Variants in RELN observed in about 807,000 individuals in gnomAD.
RELN encodes the protein reelin.
In RELN, 108 loss-of-function variants were observed where a neutral mutation model predicts 427.6. The observed-to-expected ratio is 0.25, with a 90% CI of 0.22 to 0.30. The LOEUF (loss-of-function observed/expected upper bound fraction) is 0.30, where lower values mean the gene tolerates loss of function less well. Ranked by LOEUF, RELN falls within the 10% of genes least tolerant of loss-of-function variation. The probability of loss-of-function intolerance (pLI) is 1.00; values close to 1 mark genes in which losing one functional copy is unlikely to be tolerated. For synonymous variants in RELN, 1,524 were observed against 1,513.4 expected, an observed-to-expected ratio of 1.01 and a Z score of -0.16; for missense variants, 3,715 against 4,302.8, an observed-to-expected ratio of 0.86 and a Z score of 3.82.
Position 103,611,641 on chromosome 7 carries a change from G to A in RELN, c.2865C>T (p.Asn955=). The part of the protein sequence containing the change: ...DNQVKLEYST[N]HGLTWHLVQE... ...GGACGAGGTGCCAGGTAAGGCCGTG[G>A]TTGGTTGAGTACTCCAGCTTCACCT... Residue 955 remains asparagine, a synonymous_variant, in exon 21 of 65, where the codon AAC becomes AAT. Coordinates refer to ENST00000428762, the MANE Select transcript of RELN (RefSeq NM_005045.4). 2 of 1,613,786 alleles carry A rather than the reference G, an allele frequency of 1.2e-6. No homozygotes were observed. Among genetic ancestry groups the A allele is most frequent in the Non-Finnish European group, 1.7e-6 (2 of 1,179,902 alleles).
At chr7:103,935,125 TGAA>T (rs1178208098) in intron 1 of RELN, among the ~76,000 whole-genome samples, 1 of 152,230 alleles carries the variant, frequency 6.6e-6, no homozygotes, top group African/African-American at 2.4e-5. Context: ...GAATTTGTGT[TGAA>T]GTACATTCCA....
intron 11 of RELN, among the ~76,000 whole-genome samples, chr7:103,673,382 T>C (rs1459159303): frequency 6.6e-6 from 1 of 152,172 alleles, no homozygotes; most frequent in African/African-American, 2.4e-5. Context: ...GGTTAAGAAC[T>C]TGGGCAGTAT....
intron 8 of RELN, among the ~76,000 whole-genome samples, chr7:103,711,743 A>G (rs1323169608): frequency 2.0e-5 from 3 of 152,072 alleles, no homozygotes; most frequent in African/African-American, 7.2e-5. Flanking sequence ...TGCAGGCTCA[A>G]CCTCCTGGGC....
At chr7:103,980,848 T>C (rs1169779174) in intron 1 of RELN, among the ~76,000 whole-genome samples, 1 of 152,176 alleles carries the variant, frequency 6.6e-6, no homozygotes, top group Admixed American at 6.5e-5. Flanking sequence ...GGAGTGTAAA[T>C]CCACTTTTTC....
intron 46 of RELN, among the ~76,000 whole-genome samples, chr7:103,524,851 C>T (rs1452379695): frequency 2.0e-5 from 3 of 152,070 alleles, no homozygotes; most frequent in African/African-American, 4.8e-5. Flanking sequence ...TTTGCTTGCT[C>T]CCCAGCTTTG....
At chr7:103,679,957 G>T (rs1332627661) in intron 11 of RELN, among the ~76,000 whole-genome samples, 1 of 152,128 alleles carries the variant, frequency 6.6e-6, no homozygotes, top group African/African-American at 2.4e-5. Context: ...TACTCATAGA[G>T]AGCTGAATGG....
At chr7:103,570,367 C>G (rs1190382080) in intron 31 of RELN, among the ~76,000 whole-genome samples, 1 of 152,146 alleles carries the variant, frequency 6.6e-6, no homozygotes, top group East Asian at 1.9e-4. Context: ...CAAAAATGTC[C>G]TTTAAATTTC....
At chr7:103,759,968 G>C (rs1177386310) in intron 4 of RELN, among the ~76,000 whole-genome samples, 2 of 138,636 alleles carry the variant, frequency 1.4e-5, no homozygotes, top group Non-Finnish European at 3.1e-5. Flanking sequence ...ACTACATTCG[G>C]TCATTGGTGC....
chr7:103,867,344 A>G (rs753565562), intron 2 of RELN, among the ~76,000 whole-genome samples: 23 of 151,914 alleles, frequency 1.5e-4, no homozygotes, highest in Non-Finnish European at 2.6e-4. Flanking sequence ...TCAACCCCTA[A>G]GAGAAAGATT....
Position 103,831,053 on chromosome 7 carries a change from G to A in RELN, c.473+2484C>T, listed in dbSNP as rs908922114. Among the ~76,000 whole-genome samples, 22 of 151,878 alleles carry A rather than the reference G, an allele frequency of 1.4e-4. 1 individual carries two copies. Among genetic ancestry groups the A allele is most frequent in the Admixed American group, 1.4e-3 (22 of 15,224 alleles). On this transcript the variant is annotated intron_variant, in intron 3 of 64. Transcript: ENST00000428762. ...AAGTTATTTCTCAGAAGAAAATAGAGTTTTATATCTCAAAAGTAGTGAGAT... is the reference window on the plus strand; with the variant it reads ...AAGTTATTTCTCAGAAGAAAATAGAATTTTATATCTCAAAAGTAGTGAGAT...
Position 103,651,714 on chromosome 7 carries a change from A to G in RELN, c.1839T>C (p.Cys613=). ...TGCTGTGGGGGAGGTGGGGTCCAGC[A>G]CAGATCTCAGGTAAGCATTCAGTGT... ...LLHTECLPEI[C]AGPHLPHSTV... The change falls in exon 15 of 65, where the codon TGT becomes TGC. Residue 613 remains cysteine (C), a synonymous_variant. Transcript: ENST00000428762. 2.5e-6 allele frequency: 4 copies of G among 1,612,126 alleles called. No homozygotes were observed. The highest frequency in any genetic ancestry group is 3.4e-6 in the Non-Finnish European group (4 of 1,178,776).
In RELN at chr7:103,539,213, A is replaced by G; in HGVS notation, c.7045T>C (p.Ser2349Pro). 1 of 1,614,264 alleles carries G rather than the reference A, an allele frequency of 6.2e-7. No individual in the cohort carries two copies. Among genetic ancestry groups the G allele is most frequent in the South Asian group, 1.1e-5 (1 of 91,084 alleles). The change falls in exon 45 of 65, where the codon TCT (serine) becomes CCT (proline). Residue 2349 changes from serine (S) to proline (P), a missense_variant. Around this residue, in one of 4 missense-constraint regions of RELN, gnomAD observed 1,310 missense variants for 1,643.0 expected, o/e 0.80. Transcript: ENST00000428762. The stretch of plus-strand genomic sequence containing the variant: ...ATGAAGACCAGGGCATCACCAGTAG[A>G]GCCACACACGGGCATCTTGGTGCCT... Reference protein sequence around the residue: ...PGGTKMPVCGSTGDALVFIEK... With the variant: ...PGGTKMPVCGPTGDALVFIEK...
chr7:103,508,256 C>T (rs1829282949), intron 51 of RELN, among the ~76,000 whole-genome samples: 1 of 152,154 alleles, frequency 6.6e-6, no homozygotes, highest in Non-Finnish European at 1.5e-5. Flanking sequence ...GGCCAATATC[C>T]CTTATGAATA....
intron 3 of RELN, among the ~76,000 whole-genome samples, chr7:103,795,791 C>T (rs1409315623): frequency 7.9e-5 from 12 of 152,144 alleles, no homozygotes; most frequent in Admixed American, 7.9e-4. Flanking sequence ...ACAATTTTGC[C>T]CCAGTAAACA....
chr7:103,936,804 A>T (rs1026504645), intron 1 of RELN, among the ~76,000 whole-genome samples: 3 of 152,038 alleles, frequency 2.0e-5, no homozygotes, highest in Admixed American at 6.6e-5. Context: ...TTTCTTATGC[A>T]ATCATAGCAG....
intron 2 of RELN, among the ~76,000 whole-genome samples, chr7:103,847,830 T>C (rs1466927064): frequency 6.6e-6 from 1 of 152,114 alleles, no homozygotes; most frequent in Non-Finnish European, 1.5e-5. Context: ...ACTCCTAAAC[T>C]GGAAGTTGGG....
chr7:103,920,662 C>T (rs1329132363), intron 1 of RELN, among the ~76,000 whole-genome samples: 1 of 151,084 alleles, frequency 6.6e-6, no homozygotes, highest in Non-Finnish European at 1.5e-5. Flanking sequence ...CAGCCTCCAC[C>T]TCCTGGGTTC....
At chr7:103,659,523 A>G (rs1223245689) in intron 12 of RELN, among the ~76,000 whole-genome samples, 1 of 152,026 alleles carries the variant, frequency 6.6e-6, no homozygotes, top group Non-Finnish European at 1.5e-5. Flanking sequence ...CTTTTTTCAT[A>G]ATGGCTTAGC....
rs766137422 is a variant in RELN, at chr7:103,640,524, G to A, written c.2069+19C>T. ...CACATCAAAAAGGAGAAGCATAAGTGTTATTTTAAGATGCTTACTTGCAAC... is the reference window on the plus strand; with the variant it reads ...CACATCAAAAAGGAGAAGCATAAGTATTATTTTAAGATGCTTACTTGCAAC... On this transcript the variant is annotated intron_variant, in intron 17 of 64. Transcript: ENST00000428762. The surrounding 1 kb of genome is among the most constrained non-coding windows in gnomAD (Gnocchi z 4.1). The A allele has an allele frequency of 3.1e-6, 5 of 1,611,902 alleles. No homozygotes were observed. Among genetic ancestry groups the A allele is most frequent in the Non-Finnish European group, 4.2e-6 (5 of 1,178,176 alleles).
Sources: allele counts gnomAD v4.1 joint callset (sites outside exome capture counted in the v4.1 genomes callset), GRCh38; gene constraint gnomAD v4.1.1; regional missense constraint gnomAD v4.1.1; non-coding constraint Gnocchi (gnomAD v3.1); transcripts MANE v1.5; gene names NCBI Gene and HGNC (gene_info 2026-07-23, HGNC 2026-07-21).